The following GLIS3 variants were observed in gnomAD, a reference collection of about 807,000 sequenced individuals.
GLIS3 encodes GLIS family zinc finger 3.
In GLIS3, 53 loss-of-function variants were observed where a neutral mutation model predicts 78.6. The observed-to-expected ratio is 0.67, with a 90% CI of 0.54 to 0.85. The LOEUF (loss-of-function observed/expected upper bound fraction) is 0.85, where lower values mean the gene tolerates loss of function less well. Ranked by LOEUF, GLIS3 falls within the 40% of genes least tolerant of loss-of-function variation. The pLI, the probability that GLIS3 is intolerant of heterozygous loss-of-function variation, is 0.00. For missense variants in GLIS3, 1,703 were observed against 1,231.1 expected, an observed-to-expected ratio of 1.38 and a Z score of -5.74; for synonymous variants, 684 against 509.9, an observed-to-expected ratio of 1.34 and a Z score of -4.60.
chr9:4,408,467 G>C, the GLIS3 span, among the ~76,000 whole-genome samples: 3 of 151,476 alleles, frequency 2.0e-5, no homozygotes, highest in Admixed American at 2.0e-4. Flanking sequence ...CCTTGGCTCA[G>C]CCTGTAATCC....
At chr9:4,283,223 G>A (rs976288022) in intron 2 of GLIS3, among the ~76,000 whole-genome samples, 3 of 151,412 alleles carry the variant, frequency 2.0e-5, no homozygotes. Flanking sequence ...ATCATTCTGA[G>A]TGTATCCCTA....
chr9:3,918,537 G>A (rs1824667215), intron 6 of GLIS3, among the ~76,000 whole-genome samples: 1 of 151,992 alleles, frequency 6.6e-6, no homozygotes. Context: ...TTAAACAACT[G>A]GCATAAGAAA....
intron 2 of GLIS3, among the ~76,000 whole-genome samples, chr9:4,187,787 G>T (rs1242700534): frequency 6.6e-6 from 1 of 151,912 alleles, no homozygotes. Context: ...TCATGATTTG[G>T]CTCTCTGTTT....
intron 4 of GLIS3, among the ~76,000 whole-genome samples, chr9:4,016,077 C>T (rs941729096): frequency 1.3e-5 from 2 of 152,064 alleles, no homozygotes; most frequent in Non-Finnish European, 2.9e-5. Context: ...CTGTCCTACA[C>T]ACAGTATTTC....
At chr9:4,434,612 A>C in the GLIS3 span, among the ~76,000 whole-genome samples, 1 of 152,142 alleles carries the variant, frequency 6.6e-6, no homozygotes, top group Non-Finnish European at 1.5e-5. Context: ...GGATGAATGG[A>C]TGGATACATG....
At chr9:3,886,396 G>A (rs891715209) in intron 7 of GLIS3, among the ~76,000 whole-genome samples, 1 of 152,118 alleles carries the variant, frequency 6.6e-6, no homozygotes, top group Admixed American at 6.5e-5. Flanking sequence ...AACCCATAAT[G>A]CATTTCAGTT....
Position 4,117,961 on chromosome 9 carries a change from T to G in GLIS3, c.1517A>C (p.Asp506Ala), listed in dbSNP as rs764506043. ...IGGKHCCRWI[D>A]CSALYDQQEE... ...CTGCTGGTCGTACAGGGCGCTGCAGTCGATCCAGCGGCAGCAATGCTTGCC... is the reference window on the plus strand; with the variant it reads ...CTGCTGGTCGTACAGGGCGCTGCAGGCGATCCAGCGGCAGCAATGCTTGCC... Residue 506 changes from aspartate to alanine, a missense_variant, in exon 4 of 11, where the codon GAC becomes GCC. Coordinates refer to ENST00000381971, the MANE Select transcript of GLIS3 (RefSeq NM_001042413.2). 6.2e-7 allele frequency: 1 copy of G among 1,613,840 alleles called. No homozygotes were observed. The highest frequency in any genetic ancestry group is 8.5e-7 in the Non-Finnish European group (1 of 1,179,950).
intron 2 of GLIS3, among the ~76,000 whole-genome samples, chr9:4,327,231 C>T (rs1817614806): frequency 6.6e-6 from 1 of 152,064 alleles, no homozygotes; most frequent in African/African-American, 2.4e-5. Context: ...AACAAAAAGG[C>T]CAGAGCAGTG....
chr9:4,219,541 A>C (rs538629638), intron 2 of GLIS3, among the ~76,000 whole-genome samples: 1 of 152,176 alleles, frequency 6.6e-6, no homozygotes, highest in Non-Finnish European at 1.5e-5. Flanking sequence ...ATGTGACCAA[A>C]CCCAGCAATC....
At chr9:4,481,038 T>G in the GLIS3 span, among the ~76,000 whole-genome samples, 47 of 152,232 alleles carry the variant, frequency 3.1e-4, 1 homozygote, top group Middle Eastern at 0.02. Flanking sequence ...GTATTTTTTG[T>G]AGAGACAGGG....
intron 8 of GLIS3, among the ~76,000 whole-genome samples, chr9:3,861,936 T>G (rs1265751577): frequency 5.5e-5 from 8 of 145,000 alleles, no homozygotes; most frequent in Non-Finnish European, 1.6e-5. Context: ...TCCCAGAACT[T>G]AAACTTAACT....
At chr9:3,844,138 C>T (rs1482466743) in intron 9 of GLIS3, among the ~76,000 whole-genome samples, 1 of 152,054 alleles carries the variant, frequency 6.6e-6, no homozygotes, top group Non-Finnish European at 1.5e-5. Flanking sequence ...TGAATGGGGA[C>T]AGATCAAGCC....
chr9:4,432,198 C>A, the GLIS3 span, among the ~76,000 whole-genome samples: 1 of 151,440 alleles, frequency 6.6e-6, no homozygotes, highest in South Asian at 2.1e-4. Flanking sequence ...TAAAGTGCCT[C>A]GTACAAAGGT....
chr9:4,345,120 G>GAAATT (rs1817881864), intron 2 of GLIS3, among the ~76,000 whole-genome samples: 1 of 152,084 alleles, frequency 6.6e-6, no homozygotes, highest in African/African-American at 2.4e-5. Context: ...CCCCCTCAGA[G>GAAATT]CAAAAGCCTG....
At chr9:4,355,194 T>G in the GLIS3 span, among the ~76,000 whole-genome samples, 1 of 150,194 alleles carries the variant, frequency 6.7e-6, no homozygotes, top group African/African-American at 2.4e-5. Flanking sequence ...AGTAGTAGAG[T>G]TGGAAAGTGT....
At chr9:4,081,533 C>A (rs1044712316) in intron 4 of GLIS3, among the ~76,000 whole-genome samples, 6 of 152,222 alleles carry the variant, frequency 3.9e-5, no homozygotes, top group Admixed American at 3.9e-4. Context: ...TGGACCCCCA[C>A]GATACTGGAA....
At chr9:4,166,061 G>C (rs577384962) in intron 2 of GLIS3, among the ~76,000 whole-genome samples, 1 of 152,186 alleles carries the variant, frequency 6.6e-6, no homozygotes, top group Admixed American at 6.5e-5. Flanking sequence ...CTGCTTATTA[G>C]ACTTGGAACC....
At chr9:4,270,775 C>G (rs1310225121) in intron 2 of GLIS3, among the ~76,000 whole-genome samples, 2 of 152,182 alleles carry the variant, frequency 1.3e-5, no homozygotes, top group African/African-American at 4.8e-5. Flanking sequence ...GGAACGATAC[C>G]AATGGCTCTC....
At chr9:4,096,436 C>T (rs1464618264) in intron 4 of GLIS3, among the ~76,000 whole-genome samples, 2 of 152,214 alleles carry the variant, frequency 1.3e-5, no homozygotes, top group Non-Finnish European at 2.9e-5. Context: ...AACTCCAGAA[C>T]TCTAAGTTCT....
Sources: allele counts gnomAD v4.1 joint callset (sites outside exome capture counted in the v4.1 genomes callset), GRCh38; gene constraint gnomAD v4.1.1; transcripts MANE v1.5; gene names NCBI Gene and HGNC (gene_info 2026-07-23, HGNC 2026-07-21).